GRIK2: variants seen among roughly 807,000 people sequenced by gnomAD.
The protein encoded by GRIK2 is glutamate ionotropic receptor kainate type subunit 2, also known as glutamate receptor ionotropic, kainate 2.
In GRIK2, 32 loss-of-function variants were observed where a neutral mutation model predicts 100.3. The observed-to-expected ratio is 0.32, with a 90% CI of 0.24 to 0.43. GRIK2 has a LOEUF of 0.43. GRIK2 is among the 20% of genes least tolerant of loss of function. GRIK2 has a pLI of 1.00. For synonymous variants in GRIK2, 417 were observed against 389.4 expected, an observed-to-expected ratio of 1.07 and a Z score of -0.83; for missense variants, 843 against 1,114.9, an observed-to-expected ratio of 0.76 and a Z score of 3.47.
At chr6:101,900,686 C>T (rs1464167992) in intron 12 of GRIK2, among the ~76,000 whole-genome samples, 1 of 151,946 alleles carries the variant, frequency 6.6e-6, no homozygotes, top group Admixed American at 6.6e-5. Flanking sequence ...AGTCATTCAG[C>T]TTTGTGAAAG....
chr6:101,597,009 A>G (rs920511038), intron 2 of GRIK2, among the ~76,000 whole-genome samples: 1 of 151,872 alleles, frequency 6.6e-6, no homozygotes, highest in Non-Finnish European at 1.5e-5. Flanking sequence ...ATAATGGTAG[A>G]TTGGATAAAG....
chr6:101,720,832 A>AT (rs1774430990), intron 7 of GRIK2, among the ~76,000 whole-genome samples: 1 of 152,050 alleles, frequency 6.6e-6, no homozygotes, highest in African/African-American at 2.4e-5. Context: ...GCTGGATGAA[A>AT]TTTTTTGTTT....
At chr6:102,003,479 A>G (rs914400538) in intron 14 of GRIK2, among the ~76,000 whole-genome samples, 5 of 151,860 alleles carry the variant, frequency 3.3e-5, no homozygotes, top group African/African-American at 1.2e-4. Flanking sequence ...TACTACAATC[A>G]TTTTAAAACT....
chr6:101,628,159 A>C (rs1419128885), intron 4 of GRIK2, among the ~76,000 whole-genome samples: 1 of 152,132 alleles, frequency 6.6e-6, no homozygotes, highest in African/African-American at 2.4e-5. Flanking sequence ...TCATGCATGC[A>C]GTATATAGAA....
chr6:101,990,031 G>A (rs1461417588), intron 14 of GRIK2, among the ~76,000 whole-genome samples: 3 of 151,622 alleles, frequency 2.0e-5, no homozygotes, highest in South Asian at 2.1e-4. Context: ...AAGAATAGTT[G>A]CTCTGAAACT....
chr6:102,002,596 C>T (rs1431951943), intron 14 of GRIK2, among the ~76,000 whole-genome samples: 1 of 150,544 alleles, frequency 6.6e-6, no homozygotes, highest in Non-Finnish European at 1.5e-5. Context: ...GTATTCTTTA[C>T]AAGGTCTATT....
intron 2 of GRIK2, among the ~76,000 whole-genome samples, chr6:101,524,514 C>G (rs949319699): frequency 6.6e-6 from 1 of 152,104 alleles, no homozygotes; most frequent in Non-Finnish European, 1.5e-5. Context: ...AGTTCACTCT[C>G]TGTCTTTCTC....
At chr6:101,881,463 A>G (rs972293988) in intron 11 of GRIK2, among the ~76,000 whole-genome samples, 4 of 151,910 alleles carry the variant, frequency 2.6e-5, no homozygotes, top group South Asian at 2.1e-4. Context: ...AGACATAGTA[A>G]TATCTATTAT....
chr6:101,646,112 G>C (rs1177017645), intron 4 of GRIK2, among the ~76,000 whole-genome samples: 1 of 150,892 alleles, frequency 6.6e-6, no homozygotes, highest in Non-Finnish European at 1.5e-5. Flanking sequence ...CCAGTAAGCT[G>C]TTCCACAAGG....
At chr6:102,066,876 A>C (rs1434073276) in intron 16 of GRIK2, among the ~76,000 whole-genome samples, 3 of 151,764 alleles carry the variant, frequency 2.0e-5, no homozygotes, top group African/African-American at 7.2e-5. Flanking sequence ...AAGACCATTA[A>C]GGAAACTCTT....
At chr6:101,787,854 A>C (rs1177826402) in intron 7 of GRIK2, among the ~76,000 whole-genome samples, 1 of 152,002 alleles carries the variant, frequency 6.6e-6, no homozygotes, top group African/African-American at 2.4e-5. Context: ...ATGTTTGTTG[A>C]TTTTCTACCT....
intron 10 of GRIK2, among the ~76,000 whole-genome samples, chr6:101,857,764 T>C (rs1784503964): frequency 6.6e-6 from 1 of 152,244 alleles, no homozygotes; most frequent in African/African-American, 2.4e-5. Flanking sequence ...TAAAATGTGC[T>C]AATGCATGGA....
At chr6:101,736,655 CA>C (rs1775655761) in intron 7 of GRIK2, among the ~76,000 whole-genome samples, 1 of 152,140 alleles carries the variant, frequency 6.6e-6, no homozygotes, top group Non-Finnish European at 1.5e-5. Context: ...GGGCCCGGCC[CA>C]CAAAACCAGT....
At chr6:101,724,490 C>G (rs1290772459) in intron 7 of GRIK2, among the ~76,000 whole-genome samples, 1 of 151,964 alleles carries the variant, frequency 6.6e-6, no homozygotes, top group Non-Finnish European at 1.5e-5. Flanking sequence ...ATAATGACCT[C>G]TAGCTGCATC....
In GRIK2 at chr6:101,965,410, A is replaced by T. The variant is rs372991089; in HGVS notation, c.2085+36778A>T. Reference sequence around the variant, plus strand: ...TCAGATATCCAAATCTGTCACTCTCATCATGCCATTTCTATAACAAGTCAG... The same window carrying T: ...TCAGATATCCAAATCTGTCACTCTCTTCATGCCATTTCTATAACAAGTCAG... On this transcript the variant is annotated intron_variant, in intron 14 of 16. Transcript: ENST00000369134. Among the ~76,000 whole-genome samples, 6 of 152,172 alleles carry T rather than the reference A, an allele frequency of 3.9e-5. 1 individual carries two copies. Among genetic ancestry groups the T allele is most frequent in the African/African-American group, 1.4e-4 (6 of 41,514 alleles).
intron 7 of GRIK2, among the ~76,000 whole-genome samples, chr6:101,768,830 G>C (rs1362468261): frequency 5.9e-5 from 9 of 152,116 alleles, no homozygotes; most frequent in Non-Finnish European, 7.4e-5. Flanking sequence ...TCATGAGATT[G>C]TTAAAGAAAA....
intron 14 of GRIK2, among the ~76,000 whole-genome samples, chr6:101,994,874 G>T (rs1794568832): frequency 6.6e-6 from 1 of 151,772 alleles, no homozygotes; most frequent in African/African-American, 2.4e-5. Flanking sequence ...AGAAATAAGA[G>T]AAAAATAGAA....
chr6:102,011,956 C>T (rs1223873576), intron 14 of GRIK2, among the ~76,000 whole-genome samples: 1 of 152,088 alleles, frequency 6.6e-6, no homozygotes, highest in East Asian at 1.9e-4. Context: ...CCCAAAGTTA[C>T]CTAGATTTTC....
At chr6:101,727,031 G>A (rs577141929) in intron 7 of GRIK2, among the ~76,000 whole-genome samples, 2 of 151,770 alleles carry the variant, frequency 1.3e-5, no homozygotes, top group South Asian at 4.2e-4. Flanking sequence ...TTTTCTCTTT[G>A]TTTTTAGTAT....
Sources: gnomAD v4.1 joint callset for allele counts (sites outside exome capture counted in the v4.1 genomes callset) on GRCh38, gnomAD v4.1.1 for gene constraint, MANE v1.5 for transcripts, NCBI Gene and HGNC (gene_info 2026-07-23, HGNC 2026-07-21) for gene names.